Variants in PJVK observed in about 807,000 individuals in gnomAD.
PJVK encodes autosomal recessive deafness type 59 protein.
In PJVK, 33 loss-of-function variants were observed where a neutral mutation model predicts 37.6. The observed-to-expected ratio is 0.88, with a 90% CI of 0.67 to 1.17. The LOEUF (loss-of-function observed/expected upper bound fraction) is 1.17, where lower values mean the gene tolerates loss of function less well. Ranked by LOEUF, PJVK falls within the 50% of genes most tolerant of loss-of-function variation. The probability of loss-of-function intolerance (pLI) is 0.00; values close to 1 mark genes in which losing one functional copy is unlikely to be tolerated. For synonymous variants in PJVK, 141 were observed against 143.5 expected, an observed-to-expected ratio of 0.98 and a Z score of 0.13; for missense variants, 410 against 413.8, an observed-to-expected ratio of 0.99 and a Z score of 0.08.
rs1575108119 is a variant in PJVK, at chr2:178,451,653, T to C, written c.-139T>C. The C allele has an allele frequency of 2.7e-6, 1 of 368,618 alleles. No homozygotes were observed. The highest frequency in any genetic ancestry group is 2.2e-5 in the African/African-American group (1 of 45,458). The allele number at this position is 368,618 out of a possible 1,614,324, so 22.8% of individuals were successfully genotyped here. ...TACGCTCCAGGGGGCTGCGGTGCGC[T>C]CTTCGGGTCCCCGAGCCCTGTGTTT... On this transcript the variant is annotated 5_prime_UTR_variant, in exon 1 of 7. Transcript: ENST00000644580.
At chr2:178,458,460 A>G (rs1282972666) in intron 4 of PJVK, 50 bp from the exon 5 acceptor site, 1 of 1,404,690 alleles carries the variant, frequency 7.1e-7, no homozygotes, top group South Asian at 1.2e-5. Context: ...CCAAAAAGCT[A>G]TCCTTACATG....
At position 178,461,562 on chromosome 2, in the gene PJVK, G is replaced by T. The variant is rs187092675; in HGVS notation, c.*288G>T. On this transcript the variant is annotated 3_prime_UTR_variant, in exon 7 of 7. Transcript: ENST00000644580. ...GTCACTTTAGAATCATTTTTGGGAT[G>T]TAGTCTATCATTTTAGTTCACCTTT... Among the ~76,000 whole-genome samples the T allele has an allele frequency of 1.4e-5, 2 of 147,474 alleles. No homozygotes were observed. The highest frequency in any genetic ancestry group is 4.1e-4 in the East Asian group (2 of 4,928).
intron 4 of PJVK, 161 bp downstream of exon 4, chr2:178,456,312 G>T: frequency 1.5e-6 from 1 of 653,916 alleles, no homozygotes; most frequent in Non-Finnish European, 2.4e-6. Flanking sequence ...TCTAGAATAT[G>T]AAAAAAAAAA....
At chr2:178,457,005 G>T (rs1389404282) in intron 4 of PJVK, among the ~76,000 whole-genome samples, 1 of 151,892 alleles carries the variant, frequency 6.6e-6, no homozygotes, top group Non-Finnish European at 1.5e-5. Flanking sequence ...GTCTCGCTCT[G>T]TCCCCGAGGC....
At chr2:178,453,736 TTTA>T (rs1426107464) in intron 2 of PJVK, 116 bp downstream of exon 2, 12 of 836,974 alleles carry the variant, frequency 1.4e-5, no homozygotes, top group Non-Finnish European at 2.2e-5. Context: ...TAAAGCAACT[TTTA>T]TTATGATGTT....
chr2:178,452,632 T>C, intron 1 of PJVK: 3 of 985,242 alleles, frequency 3.0e-6, no homozygotes, highest in Non-Finnish European at 3.6e-6. Context: ...ATAGCTCTTG[T>C]TAAAGGTTAA....
intron 5 of PJVK, among the ~76,000 whole-genome samples, chr2:178,459,030 C>T (rs968142817): frequency 3.9e-5 from 6 of 152,130 alleles, no homozygotes; most frequent in African/African-American, 1.4e-4. Context: ...AAACCAGGGC[C>T]TCTAAAGACA....
chr2:178,453,288 C>A, intron 1 of PJVK, 100 bp from the exon 2 acceptor site: 1 of 1,021,054 alleles, frequency 9.8e-7, no homozygotes, highest in Non-Finnish European at 1.5e-6. Context: ...TGAAACCATG[C>A]TTTGTATTTT....
At chr2:178,455,375 A>T (rs1323453885) in intron 3 of PJVK, 2 of 1,328,328 alleles carry the variant, frequency 1.5e-6, no homozygotes, top group South Asian at 2.3e-5. Flanking sequence ...GATTCTGAAG[A>T]AGTTCATGGA....
At chr2:178,457,373 A>C (rs904261740) in intron 4 of PJVK, among the ~76,000 whole-genome samples, 3 of 152,206 alleles carry the variant, frequency 2.0e-5, no homozygotes, top group Admixed American at 1.3e-4. Context: ...CCCAGTGCTT[A>C]GGAAGACTGA....
Position 178,461,045 on chromosome 2 carries a change from A to G in PJVK, c.830A>G (p.Tyr277Cys), listed in dbSNP as rs1236170220. 1.2e-6 allele frequency: 2 copies of G among 1,614,066 alleles called. No individual in the cohort carries two copies. Among genetic ancestry groups the G allele is most frequent in the Non-Finnish European group, 1.7e-6 (2 of 1,179,990 alleles). The stretch of plus-strand genomic sequence containing the variant: ...TACTTGGATGATCTTTTTTCTGACT[A>G]CTATGACAAACCTCTCAGCATGACT... Reference protein sequence around the residue: ...QLYLDDLFSDYYDKPLSMTDI... With the variant: ...QLYLDDLFSDCYDKPLSMTDI... The change falls in exon 7 of 7, where the codon TAC becomes TGC. Residue 277 changes from tyrosine to cysteine, a missense_variant. Physicochemically the swap from Tyr to Cys is radical, Grantham distance 194. Transcript: ENST00000644580.
At position 178,456,011 on chromosome 2, in the gene PJVK, A is replaced by G; in HGVS notation, c.409A>G (p.Lys137Glu). Reference sequence around the variant, plus strand: ...GTGAATGTATCTTCTTTATTTTAGAAAAATTAACTTTGACCACAGCTTGAT... The same window carrying G: ...GTGAATGTATCTTCTTTATTTTAGAGAAATTAACTTTGACCACAGCTTGAT... ...STLLKEITTR[K>E]INFDHSLIRQ... Residue 137 changes from lysine to glutamate, a missense_variant and splice_region_variant, in exon 4 of 7, where the codon AAA becomes GAA. Transcript: ENST00000644580. The G allele has an allele frequency of 6.2e-7, 1 of 1,614,002 alleles. No individual in the cohort carries two copies. Among genetic ancestry groups the G allele is most frequent in the East Asian group, 2.2e-5 (1 of 44,884 alleles).
intron 3 of PJVK, among the ~76,000 whole-genome samples, 193 bp from the exon 4 acceptor site, chr2:178,455,817 A>G (rs1684032925): frequency 6.6e-6 from 1 of 152,224 alleles, no homozygotes; most frequent in South Asian, 2.1e-4. Flanking sequence ...CATTCTGCAT[A>G]AGCATGTTTT....
At position 178,454,433 on chromosome 2, in the gene PJVK, G is replaced by A. The variant is rs751993150; in HGVS notation, c.313G>A (p.Ala105Thr). 6.2e-7 allele frequency: 1 copy of A among 1,613,968 alleles called. No individual in the cohort carries two copies. Among genetic ancestry groups the A allele is most frequent in the East Asian group, 2.2e-5 (1 of 44,826 alleles). The part of the protein sequence containing the change: ...HIVNDVGINV[A>T]GSDSIAVKAS... The stretch of plus-strand genomic sequence containing the variant: ...TGTAAATGACGTTGGGATTAACGTT[G>A]CTGGATCAGATTCCATTGCAGTGAA... Residue 105 changes from alanine to threonine, a missense_variant, in exon 3 of 7, where the codon GCT becomes ACT. Coordinates refer to ENST00000644580, the MANE Select transcript of PJVK (RefSeq NM_001042702.5).
At chr2:178,453,865 C>A in intron 2 of PJVK, 2 of 438,814 alleles carry the variant, frequency 4.6e-6, no homozygotes, top group Non-Finnish European at 8.6e-6. Flanking sequence ...TTAACCAAAT[C>A]AACTTAGAAT....
intron 4 of PJVK, among the ~76,000 whole-genome samples, chr2:178,457,199 TG>T (rs1684166148): frequency 6.6e-6 from 1 of 152,218 alleles, no homozygotes; most frequent in Non-Finnish European, 1.5e-5. Flanking sequence ...CCCAAAATGC[TG>T]GGATTACAGG....
chr2:178,456,143 G>A lies in PJVK; in HGVS notation c.541G>A (p.Ala181Thr), dbSNP rs1473431532. 1.2e-6 allele frequency: 2 copies of A among 1,613,982 alleles called. No individual in the cohort carries two copies. The highest frequency in any genetic ancestry group is 1.3e-5 in the African/African-American group (1 of 75,040). ...TGTGCATGCTGGAATTCGAGGGGAA[G>A]CAATGCGGGTAAACCACACTTGTTG... is the stretch of plus-strand genomic sequence containing the variant. ...LSVHAGIRGE[A>T]MRFHFMDEQN... Residue 181 changes from alanine (A) to threonine (T), a missense_variant, in exon 4 of 7, where the codon GCA becomes ACA. By Grantham distance (58) the Ala-to-Thr change is moderately conservative (BLOSUM62 0). Transcript: ENST00000644580.
intron 1 of PJVK, chr2:178,452,284 C>T (rs1697725007): frequency 1.0e-6 from 1 of 956,710 alleles, no homozygotes. Context: ...CAGAGTCAGA[C>T]TCCCTCTCAA....
rs765067736 is a variant in PJVK at position 178,458,566 on chromosome 2, A to G, written c.606A>G (p.Pro202=). 6.2e-7 allele frequency: 1 copy of G among 1,614,170 alleles called. No homozygotes were observed. Among genetic ancestry groups the G allele is most frequent in the Non-Finnish European group, 8.5e-7 (1 of 1,180,010 alleles). The change falls in exon 5 of 7, where the codon CCA becomes CCG. Residue 202 remains proline, a synonymous_variant. Coordinates refer to ENST00000644580, the MANE Select transcript of PJVK (RefSeq NM_001042702.5). ...GAAGGGACAAAGCTATTGTTTTCCC[A>G]GCACATACAACCATAGCTTTCAGTG... ...PKGRDKAIVF[P]AHTTIAFSVF...
Sources: allele counts gnomAD v4.1 joint callset (sites outside exome capture counted in the v4.1 genomes callset), GRCh38; gene constraint gnomAD v4.1.1; transcripts MANE v1.5; gene names NCBI Gene and HGNC (gene_info 2026-07-23, HGNC 2026-07-21).